NCOR2: variants seen among roughly 807,000 people sequenced by gnomAD.
The protein encoded by NCOR2 is nuclear receptor corepressor 2.
In NCOR2, 81 loss-of-function variants were observed where a neutral mutation model predicts 262.9. The ratio of observed to expected loss-of-function variants is 0.31; its 90% confidence interval spans 0.26 to 0.37. The LOEUF (loss-of-function observed/expected upper bound fraction) is 0.37. Ranked by LOEUF, NCOR2 falls within the 10% of genes least tolerant of loss-of-function variation. The probability of loss-of-function intolerance (pLI) is 1.00; values close to 1 mark genes in which losing one functional copy is unlikely to be tolerated. For synonymous variants in NCOR2, 1,659 were observed against 1,559.3 expected, an observed-to-expected ratio of 1.06 and a Z score of -1.51; for missense variants, 3,385 against 3,621.4, an observed-to-expected ratio of 0.93 and a Z score of 1.68.
At chr12:124,381,141 C>T (rs949024337) in intron 17 of NCOR2, among the ~76,000 whole-genome samples, 1 of 152,140 alleles carries the variant, frequency 6.6e-6, no homozygotes, top group African/African-American at 2.4e-5. Context: ...TGATCCAGCC[C>T]TGGACCCTGC....
At chr12:124,554,342 G>A (rs1434830206) in intron 1 of NCOR2, among the ~76,000 whole-genome samples, 1 of 152,134 alleles carries the variant, frequency 6.6e-6, no homozygotes, top group Non-Finnish European at 1.5e-5. Flanking sequence ...CCCAGTCTGG[G>A]GCCCTCCAGG....
chr12:124,479,516 T>TGC (rs1292706661), intron 3 of NCOR2, among the ~76,000 whole-genome samples: 2 of 147,006 alleles, frequency 1.4e-5, no homozygotes, highest in East Asian at 2.0e-4. Context: ...CACACGCACA[T>TGC]GCGCGCACAC....
At chr12:124,530,596 A>G (rs2050725393) in intron 1 of NCOR2, among the ~76,000 whole-genome samples, 1 of 152,124 alleles carries the variant, frequency 6.6e-6, no homozygotes, top group Non-Finnish European at 1.5e-5. Context: ...AAGTTTCCCA[A>G]AGTCCCCTGA....
chr12:124,417,191 ACACTCACTCCACGGACAGCAGG>A (rs1230696739), intron 13 of NCOR2, among the ~76,000 whole-genome samples: 2 of 148,794 alleles, frequency 1.3e-5, no homozygotes, highest in African/African-American at 5.0e-5. Context: ...AGCAGGCCGG[ACACTCACTCCACGGACAGCAGG>A]CCGGACACTC....
chr12:124,360,105 G>A (rs999417225), intron 22 of NCOR2, among the ~76,000 whole-genome samples: 6 of 152,222 alleles, frequency 3.9e-5, no homozygotes, highest in Non-Finnish European at 8.8e-5. Context: ...GCAGGACCTG[G>A]CTGGCACCGT....
At chr12:124,337,827 T>C (rs1427349107) in intron 37 of NCOR2, among the ~76,000 whole-genome samples, 1 of 152,232 alleles carries the variant, frequency 6.6e-6, no homozygotes, top group East Asian at 1.9e-4. Context: ...AGCCGGCTGC[T>C]CCACCCACGT....
At chr12:124,499,300 G>T (rs1045283815), upstream of NCOR2, among the ~76,000 whole-genome samples, 10 of 152,360 alleles carry the variant, frequency 6.6e-5, no homozygotes, top group Non-Finnish European at 1.5e-4. Flanking sequence ...GCTGCGTCTG[G>T]CTGCGGTGGG....
rs1177416140 is a variant in NCOR2 at position 124,354,176 on chromosome 12, G to C, written c.3610C>G (p.Pro1204Ala). ...ATGCCTTTGGTGATGCTTCCGCCCG[G>C]AACTGAGCCCAGAGCTGTCCCTGGA... Residue 1204 changes from proline to alanine, a missense_variant, in exon 27 of 47, where the codon CCG becomes GCG. Physicochemically the swap from Pro to Ala is conservative, Grantham distance 27 (BLOSUM62 -1). Around this residue, in one of 5 missense-constraint regions of NCOR2, gnomAD observed 1,615 missense variants for 1,626.9 expected, o/e 0.99. Coordinates refer to ENST00000405201, the Ensembl canonical transcript of NCOR2. 1.9e-6 allele frequency: 3 copies of C among 1,604,702 alleles called. No individual in the cohort carries two copies. Among genetic ancestry groups the C allele is most frequent in the Admixed American group, 3.4e-5 (2 of 59,460 alleles).
chr12:124,434,374 G>T (rs1207494740), intron 8 of NCOR2, among the ~76,000 whole-genome samples: 1 of 152,158 alleles, frequency 6.6e-6, no homozygotes, highest in African/African-American at 2.4e-5. Flanking sequence ...GCTTCAGGGG[G>T]TGTTGAATTT....
rs2045944258 is a variant in NCOR2 at position 124,457,527 on chromosome 12, T to C, written c.706-365A>G. On this transcript the variant is annotated intron_variant, in intron 5 of 46. Coordinates refer to ENST00000405201, the Ensembl canonical transcript of NCOR2. The surrounding 1 kb of genome is among the most constrained non-coding windows in gnomAD (Gnocchi z 4.0). ...ACTGCCAGCCCTGAGATGCCTTCCC[T>C]CACCCTGGAAGCTGGTTGGGTTGTC... Among the ~76,000 whole-genome samples the C allele has an allele frequency of 3.3e-5, 5 of 152,080 alleles. No individual in the cohort carries two copies. In the South Asian group the frequency reaches 8.3e-4, roughly 25 times the overall value.
chr12:124,406,297 C>T (rs978917933), intron 13 of NCOR2, among the ~76,000 whole-genome samples: 3 of 152,214 alleles, frequency 2.0e-5, no homozygotes, highest in Non-Finnish European at 4.4e-5. Flanking sequence ...GAGCACTCTG[C>T]TCCAGGCCAG....
chr12:124,419,299 A>C (rs2043083630), intron 13 of NCOR2, among the ~76,000 whole-genome samples: 1 of 152,200 alleles, frequency 6.6e-6, no homozygotes. Context: ...TTTTGGTCAC[A>C]ACCATGCAAC....
chr12:124,559,046 T>C (rs964614767), intron 1 of NCOR2, among the ~76,000 whole-genome samples: 3 of 152,128 alleles, frequency 2.0e-5, no homozygotes, highest in Admixed American at 2.0e-4. Context: ...CAGAAAAGAC[T>C]GACCCCCAGG....
chr12:124,467,691 CCATCATCCTTATCACCCT>C (rs2046530673), intron 4 of NCOR2, among the ~76,000 whole-genome samples: 1 of 130,928 alleles, frequency 7.6e-6, no homozygotes, highest in Non-Finnish European at 1.6e-5. Context: ...CTCATGACCT[CCATCATCCTTATCACCCT>C]CATCATCCTC....
intron 38 of NCOR2, chr12:124,336,548 C>A: frequency 1.0e-6 from 1 of 958,282 alleles, no homozygotes; most frequent in Middle Eastern, 5.3e-4. Context: ...CCAAAACCAA[C>A]AACAAAAAAA....
At chr12:124,402,954 G>A (rs1467511407) in intron 13 of NCOR2, among the ~76,000 whole-genome samples, 1 of 152,178 alleles carries the variant, frequency 6.6e-6, no homozygotes. Context: ...TGAGGGCTGG[G>A]AGGTTGAAAT....
At chr12:124,429,372 G>A in intron 10 of NCOR2, 1 of 545,394 alleles carries the variant, frequency 1.8e-6, no homozygotes, top group Non-Finnish European at 3.3e-6. Context: ...GGGAGCGCCA[G>A]GGCCCTCCCT....
chr12:124,523,547 G>C lies in NCOR2; in HGVS notation c.-118+12018C>G, dbSNP rs1166009009. On this transcript the variant is annotated intron_variant, in intron 1 of 46. Coordinates refer to the NCOR2 transcript ENST00000404621. This position sits in a 1 kb window ranked among gnomAD's most constrained non-coding sequence, Gnocchi z 4.0. ...CGGCCTCCACTGTGCCTTACAACCGGCGTGTCCAGTCTTTTGGCTTCACTG... is the reference window on the plus strand; with the variant it reads ...CGGCCTCCACTGTGCCTTACAACCGCCGTGTCCAGTCTTTTGGCTTCACTG... 6.6e-6 allele frequency among the ~76,000 whole-genome samples: 1 copy of C among 151,844 alleles called. No homozygotes were observed. Among genetic ancestry groups the C allele is most frequent in the Non-Finnish European group, 1.5e-5 (1 of 68,004 alleles).
intron 7 of NCOR2, among the ~76,000 whole-genome samples, chr12:124,444,990 T>C (rs1162553280): frequency 3.3e-5 from 5 of 152,174 alleles, no homozygotes; most frequent in East Asian, 1.9e-4. Context: ...ACCTGGGTTC[T>C]GACTGATCCC....
Sources: allele counts gnomAD v4.1 joint callset (sites outside exome capture counted in the v4.1 genomes callset), GRCh38; gene constraint gnomAD v4.1.1; regional missense constraint gnomAD v4.1.1; non-coding constraint Gnocchi (gnomAD v3.1); transcripts MANE v1.5; gene names NCBI Gene and HGNC (gene_info 2026-07-23, HGNC 2026-07-21).